SEMA5B: variants seen among roughly 807,000 people sequenced by gnomAD.
The protein encoded by SEMA5B is semaphorin-5B.
In SEMA5B, 66 loss-of-function variants were observed where a neutral mutation model predicts 135.0. The ratio of observed to expected loss-of-function variants is 0.49; its 90% CI spans 0.40 to 0.60. The LOEUF is 0.60. Ranked by LOEUF, SEMA5B falls within the 20% of genes least tolerant of loss-of-function variation. The probability of loss-of-function intolerance (pLI) is 0.00; values close to 1 mark genes in which losing one functional copy is unlikely to be tolerated. For missense variants in SEMA5B, 1,501 were observed against 1,566.3 expected (o/e 0.96, Z 0.70); for synonymous variants, 690 against 639.5 (o/e 1.08, Z -1.19).
chr3:122,941,186 G>A (rs1939541535), intron 4 of SEMA5B, among the ~76,000 whole-genome samples: 1 of 152,198 alleles, frequency 6.6e-6, no homozygotes, highest in African/African-American at 2.4e-5. Flanking sequence ...AAGGAGGAAG[G>A]AAAATGAGCT....
At chr3:122,943,603 C>A in intron 3 of SEMA5B, 68 bp from the exon 4 acceptor site, 1 of 1,186,480 alleles carries the variant, frequency 8.4e-7, no homozygotes, top group Non-Finnish European at 1.2e-6. Flanking sequence ...TCGCAGCAGA[C>A]CACAGAACAG....
chr3:122,986,395 T>C (rs1941695426), intron 1 of SEMA5B, among the ~76,000 whole-genome samples: 1 of 152,216 alleles, frequency 6.6e-6, no homozygotes, highest in Non-Finnish European at 1.5e-5. Flanking sequence ...CAAAGAGACA[T>C]GAGATCTTCT....
At position 123,027,567 on chromosome 3, in the gene SEMA5B, T is replaced by C. The variant is rs912532133; in HGVS notation, c.-142A>G. ...GATGGGCTGGCGGCCGGTCTGGGAA[T>C]GGGGCGGCCGCGCAGGAACGGCCTC... On this transcript the variant is annotated 5_prime_UTR_variant, in exon 1 of 23. Transcript: ENST00000357599. 2 of 152,062 alleles carry C rather than the reference T, an allele frequency of 1.3e-5. No individual in the cohort carries two copies. Among genetic ancestry groups the C allele is most frequent in the African/African-American group, 4.8e-5 (2 of 41,384 alleles). 9.4% of individuals were successfully genotyped at this position (152,062 alleles called of 1,614,324 possible).
intron 1 of SEMA5B, among the ~76,000 whole-genome samples, chr3:122,984,856 A>C (rs529405852): frequency 6.6e-6 from 1 of 152,378 alleles, no homozygotes; most frequent in Non-Finnish European, 1.5e-5. Flanking sequence ...GACACAACTG[A>C]AAATGTAAAG....
chr3:122,910,033 A>C lies in SEMA5B; in HGVS notation c.*110T>G. 3 of 1,175,580 alleles carry C rather than the reference A, an allele frequency of 2.6e-6. No homozygotes were observed. The highest frequency in any genetic ancestry group is 3.6e-6 in the Non-Finnish European group (3 of 840,438). 72.8% of individuals were successfully genotyped at this position (1,175,580 alleles called of 1,614,324 possible). A position where few individuals can be genotyped will look rare whatever the true frequency, so the allele number is the denominator to read the frequency against. The stretch of plus-strand genomic sequence containing the variant: ...TGGGACCCCCCACAGGCAAGGCAGC[A>C]AGTTCTTGGCCTAGTGCAGAGGGAG... On this transcript the variant is annotated 3_prime_UTR_variant, in exon 23 of 23. Coordinates refer to ENST00000357599, the MANE Select transcript of SEMA5B (RefSeq NM_001031702.4).
intron 2 of SEMA5B, among the ~76,000 whole-genome samples, chr3:122,960,240 C>T (rs1242577545): frequency 6.6e-6 from 1 of 152,176 alleles, no homozygotes; most frequent in African/African-American, 2.4e-5. Context: ...TAAGTTTCTT[C>T]ACATCCAGAG....
chr3:122,961,665 C>A (rs548423433), intron 1 of SEMA5B, among the ~76,000 whole-genome samples: 2 of 152,106 alleles, frequency 1.3e-5, no homozygotes, highest in East Asian at 3.9e-4. Flanking sequence ...ACTATGTTGC[C>A]CAGGCTGGTC....
intron 5 of SEMA5B, among the ~76,000 whole-genome samples, chr3:122,932,182 A>T (rs1328610782): frequency 6.7e-6 from 1 of 150,050 alleles, no homozygotes; most frequent in Admixed American, 6.6e-5. Flanking sequence ...CTTGTTTTGC[A>T]TGGAACTATC....
intron 1 of SEMA5B, among the ~76,000 whole-genome samples, chr3:123,016,947 A>G (rs1166832903): frequency 7.2e-6 from 1 of 138,824 alleles, no homozygotes; most frequent in African/African-American, 2.8e-5. Flanking sequence ...GCTGAAGTGC[A>G]GTGGCGCGAT....
intron 1 of SEMA5B, among the ~76,000 whole-genome samples, chr3:123,008,325 T>C (rs1017603358): frequency 1.3e-5 from 2 of 152,256 alleles, no homozygotes; most frequent in Non-Finnish European, 1.5e-5. Context: ...GCTTAGAATA[T>C]AAACTCCATG....
At chr3:122,912,462 A>T (rs947617766) in intron 18 of SEMA5B, 120 bp from the exon 19 acceptor site, 1 of 918,852 alleles carries the variant, frequency 1.1e-6, no homozygotes, top group Admixed American at 3.2e-5. Flanking sequence ...CATCCACCCG[A>T]TCCACCCGCC....
At chr3:123,011,203 G>C (rs1172629183) in intron 1 of SEMA5B, among the ~76,000 whole-genome samples, 1 of 152,184 alleles carries the variant, frequency 6.6e-6, no homozygotes, top group African/African-American at 2.4e-5. Flanking sequence ...TGTGTCTTGG[G>C]GTCGAAGACT....
chr3:122,963,978 C>T (rs1940704118), intron 1 of SEMA5B, among the ~76,000 whole-genome samples: 1 of 152,144 alleles, frequency 6.6e-6, no homozygotes, highest in South Asian at 2.1e-4. Context: ...CTCCCCAGGG[C>T]TTCCACTTCC....
rs1576341685 is a variant in SEMA5B at position 122,928,511 on chromosome 3, G to T, written c.636+6C>A. 2 of 1,552,180 alleles carry T rather than the reference G, an allele frequency of 1.3e-6. No homozygotes were observed. The highest frequency in any genetic ancestry group is 2.4e-5 in the East Asian group (1 of 41,490). On this transcript the variant is annotated splice_donor_region_variant and intron_variant, in intron 7 of 22. Coordinates refer to ENST00000357599, the MANE Select transcript of SEMA5B (RefSeq NM_001031702.4). ...CCTTCAGTCTCCTCCACCCTGAGGT[G>T]CCCACCTGTCTGCTGGTGCACATGG...
At position 122,913,689 on chromosome 3, in the gene SEMA5B, C is replaced by CGGG. The variant is rs749898268; in HGVS notation, c.2133-11_2133-9dup. ...GTGTTCTCATTACAGAACCTGGGGT[C>CGGG]GGGGGAGAGGCGTCAATCCAGGGAG... On this transcript the variant is annotated splice_polypyrimidine_tract_variant and intron_variant, in intron 15 of 22. Transcript: ENST00000357599. 6.2e-7 allele frequency: 1 copy of CGGG among 1,612,748 alleles called. No homozygotes were observed. The highest frequency in any genetic ancestry group is 8.5e-7 in the Non-Finnish European group (1 of 1,179,462).
chr3:122,949,409 G>A (rs1433357303), intron 2 of SEMA5B, among the ~76,000 whole-genome samples: 1 of 152,226 alleles, frequency 6.6e-6, no homozygotes, highest in African/African-American at 2.4e-5. Context: ...AAGTATGACA[G>A]TGCAGGAAAT....
Position 122,945,913 on chromosome 3 carries a change from G to A in SEMA5B, c.329-2378C>T, listed in dbSNP as rs185030635. 3.5e-3 allele frequency among the ~76,000 whole-genome samples: 540 copies of A among 152,216 alleles called. 4 individuals are homozygous for A. The highest frequency in any genetic ancestry group is 0.011 in the African/African-American group (460 of 41,502). On this transcript the variant is annotated intron_variant, in intron 3 of 22. Coordinates refer to ENST00000357599, the MANE Select transcript of SEMA5B (RefSeq NM_001031702.4). The stretch of plus-strand genomic sequence containing the variant: ...TAGCCCTCACCCACATGGGCAAGGG[G>A]GATGGGGGAAGTGGGGAGAGAAGGA...
intron 12 of SEMA5B, among the ~76,000 whole-genome samples, chr3:122,917,020 C>T (rs1938106530): frequency 1.3e-5 from 2 of 152,148 alleles, no homozygotes; most frequent in Non-Finnish European, 2.9e-5. Flanking sequence ...ATCTAATCTC[C>T]ACTAGTAGGA....
At chr3:122,963,657 T>G (rs1184594369) in intron 1 of SEMA5B, among the ~76,000 whole-genome samples, 1 of 152,158 alleles carries the variant, frequency 6.6e-6, no homozygotes, top group Non-Finnish European at 1.5e-5. Context: ...GAGCCAGCTG[T>G]AGCAGATAAG....
Sources: gnomAD v4.1 joint callset for allele counts (sites outside exome capture counted in the v4.1 genomes callset) on GRCh38, gnomAD v4.1.1 for gene constraint, MANE v1.5 for transcripts, NCBI Gene and HGNC (gene_info 2026-07-23, HGNC 2026-07-21) for gene names.